The following FAR2 variants were observed in gnomAD, a reference collection of about 807,000 sequenced individuals.
The protein encoded by FAR2 is fatty acyl-CoA reductase 2.
Under a neutral mutation model 56.0 loss-of-function variants are expected in FAR2, and 19 were observed. The observed-to-expected ratio is 0.34, with a 90% CI of 0.24 to 0.50. The LOEUF (loss-of-function observed/expected upper bound fraction) is 0.50, where lower values mean the gene tolerates loss of function less well. Ranked by LOEUF, FAR2 falls within the 20% of genes least tolerant of loss-of-function variation. The pLI is 0.98. For missense variants in FAR2, 508 were observed against 642.2 expected, an observed-to-expected ratio of 0.79 and a Z score of 2.26; for synonymous variants, 219 against 218.8, an observed-to-expected ratio of 1.00 and a Z score of -0.01.
rs1949462593 is a variant in FAR2 at position 29,317,032 on chromosome 12, G to T, written c.1127+20G>T. On this transcript the variant is annotated intron_variant, in intron 9 of 11. Transcript: ENST00000536681. ...GCCCAGGTGAGAAGCTGAGTCAATGGCTTTGAGAGTGTCACTGCATGGGAG... is the reference window on the plus strand; with the variant it reads ...GCCCAGGTGAGAAGCTGAGTCAATGTCTTTGAGAGTGTCACTGCATGGGAG... The T allele has an allele frequency of 6.2e-7, 1 of 1,604,118 alleles. No homozygotes were observed. Among genetic ancestry groups the T allele is most frequent in the Non-Finnish European group, 8.5e-7 (1 of 1,174,798 alleles).
chr12:29,327,382 TCA>T (rs1204396607), intron 10 of FAR2, among the ~76,000 whole-genome samples: 2 of 152,112 alleles, frequency 1.3e-5, no homozygotes, highest in African/African-American at 4.8e-5. Flanking sequence ...AAGACTTTCT[TCA>T]CAGAATTGGA....
At chr12:29,306,145 G>A (rs1194224697) in intron 4 of FAR2, among the ~76,000 whole-genome samples, 3 of 152,118 alleles carry the variant, frequency 2.0e-5, no homozygotes, top group African/African-American at 7.2e-5. Flanking sequence ...CTGTTAAGAT[G>A]GAGAGGTGTC....
Position 29,308,705 on chromosome 12 carries a change from C to CATAT in FAR2, c.724-480_724-479insTATA, listed in dbSNP as rs1489134888. On this transcript the variant is annotated intron_variant, in intron 5 of 11. Transcript: ENST00000536681. Reference sequence around the variant, plus strand: ...AGACACACAGACACACACACACACACACACACACACACACATATATATATA... The same window carrying CATAT: ...AGACACACAGACACACACACACACACATATACACACACACACACATATATATATA... Among the ~76,000 whole-genome samples, 53 of 132,598 alleles carry CATAT rather than the reference C, an allele frequency of 4.0e-4. 2 individuals are homozygous for CATAT. Among genetic ancestry groups the CATAT allele is most frequent in the African/African-American group, 1.3e-3 (37 of 28,208 alleles). 87.0% of individuals were successfully genotyped at this position (132,598 alleles called of 152,430 possible).
intron 1 of FAR2, chr12:29,156,974 T>C (rs1246531928): frequency 6.6e-6 from 1 of 151,788 alleles, no homozygotes; most frequent in Non-Finnish European, 1.5e-5. Context: ...ATGGGTCTCA[T>C]TGCCAGCCAT....
chr12:29,203,963 A>G (rs7307532), intron 1 of FAR2, among the ~76,000 whole-genome samples: 117,286 of 142,716 alleles, frequency 0.82, 48,485 homozygotes, highest in East Asian at 0.91. Context: ...TTGCGCCACC[A>G]CACTCCAGCC....
At chr12:29,323,493 C>G (rs1192919779) in intron 10 of FAR2, among the ~76,000 whole-genome samples, 1 of 152,186 alleles carries the variant, frequency 6.6e-6, no homozygotes. Flanking sequence ...TGGGAGGCAC[C>G]CCCCAGTAGG....
chr12:29,178,126 A>T (rs1949955816), intron 1 of FAR2, among the ~76,000 whole-genome samples: 1 of 152,164 alleles, frequency 6.6e-6, no homozygotes, highest in Admixed American at 6.5e-5. Flanking sequence ...TGTAAAATTA[A>T]TAGTCCTCAG....
intron 1 of FAR2, among the ~76,000 whole-genome samples, chr12:29,232,584 A>T (rs935711788): frequency 3.9e-5 from 6 of 152,112 alleles, no homozygotes; most frequent in Non-Finnish European, 7.4e-5. Flanking sequence ...CATTGTCAAG[A>T]GGGTGTTCAG....
intron 4 of FAR2, among the ~76,000 whole-genome samples, chr12:29,297,539 A>G (rs1276284643): frequency 2.6e-5 from 4 of 152,202 alleles, no homozygotes; most frequent in Non-Finnish European, 5.9e-5. Context: ...AAAAGTTCAG[A>G]AGAAAAATGT....
chr12:29,291,387 C>A (rs1948964584), intron 2 of FAR2: 1 of 455,968 alleles, frequency 2.2e-6, no homozygotes, highest in Non-Finnish European at 4.4e-6. Context: ...TAATTTTTAA[C>A]CAGGTTCTTT....
chr12:29,316,569 C>T (rs968386906), intron 8 of FAR2, among the ~76,000 whole-genome samples: 7 of 152,178 alleles, frequency 4.6e-5, no homozygotes. Flanking sequence ...CTGAACAGTA[C>T]CTCCTTGTAT....
At chr12:29,204,896 C>T (rs1182625811) in intron 1 of FAR2, among the ~76,000 whole-genome samples, 3 of 152,100 alleles carry the variant, frequency 2.0e-5, no homozygotes, top group African/African-American at 7.2e-5. Context: ...GAACTTCACT[C>T]CCATGATCCC....
intron 10 of FAR2, among the ~76,000 whole-genome samples, chr12:29,326,434 G>A (rs12524844): frequency 6.6e-6 from 1 of 152,038 alleles, no homozygotes; most frequent in Non-Finnish European, 1.5e-5. Flanking sequence ...CCAAAGCCTG[G>A]CAGAGACACA....
intron 1 of FAR2, among the ~76,000 whole-genome samples, chr12:29,203,393 G>A (rs891889209): frequency 1.6e-4 from 24 of 152,194 alleles, no homozygotes; most frequent in African/African-American, 5.8e-4. Flanking sequence ...GTATTACCTA[G>A]TTGAGAGGTA....
Position 29,333,890 on chromosome 12 carries a change from C to A in FAR2, c.*96C>A. 2 of 1,158,608 alleles carry A rather than the reference C, an allele frequency of 1.7e-6. No homozygotes were observed. Among genetic ancestry groups the A allele is most frequent in the Middle Eastern group, 2.2e-4 (1 of 4,490 alleles). 71.8% of individuals were successfully genotyped at this position (1,158,608 alleles called of 1,614,324 possible). A position where few individuals can be genotyped will look rare whatever the true frequency, so the allele number is the denominator to read the frequency against. On this transcript the variant is annotated 3_prime_UTR_variant, in exon 12 of 12. Coordinates refer to ENST00000536681, the MANE Select transcript of FAR2 (RefSeq NM_001271783.2). ...GATTAGAAAGTAACAAGGAATATGC[C>A]CAAACTGTCAAATGTCACCTGTTAT...
In FAR2 at chr12:29,179,870, A is replaced by T. The variant is rs577727159; in HGVS notation, c.-39+30463A>T. Among the ~76,000 whole-genome samples the T allele has an allele frequency of 8.2e-4, 125 of 152,344 alleles. 1 individual carries two copies. The highest frequency in any genetic ancestry group is 2.8e-3 in the African/African-American group (118 of 41,570). Reference sequence around the variant, plus strand: ...ATATGGGCCATTTTCTCTATAAAATATAAAACTCTTCTATGACTACTTCCA... The same window carrying T: ...ATATGGGCCATTTTCTCTATAAAATTTAAAACTCTTCTATGACTACTTCCA... On this transcript the variant is annotated intron_variant, in intron 1 of 11. Coordinates refer to ENST00000536681, the MANE Select transcript of FAR2 (RefSeq NM_001271783.2).
chr12:29,274,202 C>A (rs185081153), intron 2 of FAR2, among the ~76,000 whole-genome samples: 5,582 of 108,710 alleles, frequency 0.051, 327 homozygotes, highest in African/African-American at 0.15. Flanking sequence ...CCTCCCCCCA[C>A]CCCACAACAG....
At chr12:29,203,863 G>C (rs1040516426) in intron 1 of FAR2, among the ~76,000 whole-genome samples, 1 of 151,814 alleles carries the variant, frequency 6.6e-6, no homozygotes, top group Non-Finnish European at 1.5e-5. Flanking sequence ...AGCCGGGCGT[G>C]GTGGCGGGCG....
intron 1 of FAR2, among the ~76,000 whole-genome samples, chr12:29,208,453 C>T (rs377150547): frequency 2.0e-5 from 3 of 152,286 alleles, no homozygotes; most frequent in East Asian, 3.9e-4. Flanking sequence ...TTAATTTTAC[C>T]GTGTAACCTT....
Sources: allele counts gnomAD v4.1 joint callset (sites outside exome capture counted in the v4.1 genomes callset), GRCh38; gene constraint gnomAD v4.1.1; transcripts MANE v1.5; gene names NCBI Gene and HGNC (gene_info 2026-07-23, HGNC 2026-07-21).